The following TAOK3 variants were observed in gnomAD, a reference collection of about 807,000 sequenced individuals.
TAOK3 encodes the protein TAO kinase 3.
A neutral mutation model predicts 120.4 loss-of-function variants in TAOK3; 40 were observed. The ratio of observed to expected loss-of-function variants is 0.33; its 90% CI spans 0.26 to 0.43. The LOEUF is 0.43. TAOK3 is among the 20% of genes least tolerant of loss of function. The pLI is 1.00. For synonymous variants in TAOK3, 355 were observed against 387.5 expected (o/e 0.92, Z 0.99); for missense variants, 821 against 1,112.1 (o/e 0.74, Z 3.72).
chr12:118,350,860 CAA>C (rs200170595), intron 1 of TAOK3, among the ~76,000 whole-genome samples: 1,804 of 73,230 alleles, frequency 0.025, 40 homozygotes, highest in African/African-American at 0.073. Flanking sequence ...AACTCCGTCT[CAA>C]AAAAAAAAAA....
intron 1 of TAOK3, among the ~76,000 whole-genome samples, chr12:118,311,630 TTA>T (rs890595177): frequency 1.4e-4 from 21 of 149,912 alleles, no homozygotes; most frequent in Non-Finnish European, 2.5e-4. Context: ...TTTTTTTTTT[TTA>T]AAAACAGCAT....
intron 1 of TAOK3, among the ~76,000 whole-genome samples, chr12:118,318,937 T>C (rs1269434813): frequency 1.3e-5 from 2 of 152,070 alleles, no homozygotes; most frequent in Non-Finnish European, 2.9e-5. Flanking sequence ...TGGATGAACA[T>C]AGAGAACATT....
Position 118,238,210 on chromosome 12 carries a change from T to G in TAOK3, c.341-41A>C, listed in dbSNP as rs749656724. ...AAAAAAAGTCAGTAGATGATCAGTT[T>G]CATTCCTCATTTTATTATTTTATAC... On this transcript the variant is annotated intron_variant, in intron 6 of 20. Transcript: ENST00000392533. 4.1e-6 allele frequency: 5 copies of G among 1,222,858 alleles called. No homozygotes were observed. In the South Asian group the frequency reaches 6.1e-5, roughly 15 times the overall value. The allele number at this position is 1,222,858 out of a possible 1,614,324, so 75.8% of individuals were successfully genotyped here. A position where few individuals can be genotyped will look rare whatever the true frequency, so the allele number is the denominator to read the frequency against.
chr12:118,281,203 A>AT (rs1452018673), intron 1 of TAOK3, among the ~76,000 whole-genome samples: 1 of 152,078 alleles, frequency 6.6e-6, no homozygotes, highest in African/African-American at 2.4e-5. Flanking sequence ...CTTTTGCCTG[A>AT]CTTCCCTGGT....
intron 14 of TAOK3, among the ~76,000 whole-genome samples, chr12:118,184,402 T>C (rs2036949512): frequency 6.6e-6 from 1 of 152,200 alleles, no homozygotes; most frequent in African/African-American, 2.4e-5. Flanking sequence ...AAGTGTACAC[T>C]ATGAGTTTTA....
chr12:118,233,629 T>C (rs1020141767), intron 9 of TAOK3, 45 bp downstream of exon 9: 2 of 1,406,528 alleles, frequency 1.4e-6, no homozygotes, highest in Non-Finnish European at 2.0e-6. Context: ...ATCTGCAAAA[T>C]AGAATTTTAA....
intron 1 of TAOK3, among the ~76,000 whole-genome samples, chr12:118,312,951 G>A (rs1028110527): frequency 6.8e-6 from 1 of 146,158 alleles, no homozygotes; most frequent in African/African-American, 2.8e-5. Flanking sequence ...CTTATCTGCT[G>A]GTGAGGCTCT....
At chr12:118,367,541 T>C (rs2045771116) in intron 1 of TAOK3, among the ~76,000 whole-genome samples, 1 of 152,132 alleles carries the variant, frequency 6.6e-6, no homozygotes, top group South Asian at 2.1e-4. Flanking sequence ...TTTCTTTTAC[T>C]TAGCTGAGCC....
chr12:118,284,570 T>C (rs182797516), intron 1 of TAOK3, among the ~76,000 whole-genome samples: 2 of 152,336 alleles, frequency 1.3e-5, no homozygotes, highest in East Asian at 3.9e-4. Context: ...AGATAATGAC[T>C]GTTTTCTAGT....
chr12:118,199,352 C>T, intron 12 of TAOK3, 95 bp from the exon 13 acceptor site: 3 of 997,654 alleles, frequency 3.0e-6, no homozygotes, highest in Non-Finnish European at 4.6e-6. Context: ...TTTGCAGTGT[C>T]AAGTTGCTTT....
intron 19 of TAOK3, among the ~76,000 whole-genome samples, chr12:118,154,759 A>C (rs1161445034): frequency 6.6e-6 from 1 of 152,090 alleles, no homozygotes; most frequent in African/African-American, 2.4e-5. Context: ...AAGTTTTATA[A>C]GAGTATAGGT....
chr12:118,185,375 T>C (rs534868037), intron 14 of TAOK3, among the ~76,000 whole-genome samples: 5 of 152,138 alleles, frequency 3.3e-5, no homozygotes, highest in Non-Finnish European at 7.3e-5. Context: ...AACACTGCAC[T>C]AGAAGGGTAA....
In TAOK3 at chr12:118,230,609, C is replaced by T. The variant is rs527531057; in HGVS notation, c.643+3065G>A. ...TCAGCCTCCCGAGTAGCTGGGACTA[C>T]AGGCACCCACCACCACACCTGGCTA... is the stretch of plus-strand genomic sequence containing the variant. On this transcript the variant is annotated intron_variant, in intron 9 of 20. Transcript: ENST00000392533. 2.6e-5 allele frequency among the ~76,000 whole-genome samples: 4 copies of T among 151,850 alleles called. No individual in the cohort carries two copies. The East Asian group carries it at 5.8e-4, about 22-fold the overall frequency.
chr12:118,342,304 A>G (rs2044648637), intron 1 of TAOK3, among the ~76,000 whole-genome samples: 1 of 152,200 alleles, frequency 6.6e-6, no homozygotes, highest in Admixed American at 6.5e-5. Context: ...AGATACTACT[A>G]TGTAAGTATG....
chr12:118,210,744 T>G (rs1231008396), intron 11 of TAOK3, among the ~76,000 whole-genome samples: 1 of 150,042 alleles, frequency 6.7e-6, no homozygotes, highest in East Asian at 1.9e-4. Flanking sequence ...TTTTTTCTTT[T>G]TTTTTTTTTT....
chr12:118,222,430 G>A (rs979571034), intron 9 of TAOK3, among the ~76,000 whole-genome samples: 2 of 152,052 alleles, frequency 1.3e-5, no homozygotes, highest in African/African-American at 4.8e-5. Flanking sequence ...CTACTTGGGA[G>A]GCTGAGGCAG....
In TAOK3 at chr12:118,177,228, A is replaced by G. The variant is rs1309740952; in HGVS notation, c.1668T>C (p.Tyr556=). 2.5e-6 allele frequency: 4 copies of G among 1,613,862 alleles called. No homozygotes were observed. Residue 556 remains tyrosine, a synonymous_variant, in exon 16 of 21, where the codon TAT becomes TAC. Coordinates refer to ENST00000392533, the MANE Select transcript of TAOK3 (RefSeq NM_016281.4). ...CTTTTATTTTTTCCTTACAAATCTT[A>G]TACTGCTTCTTCTGACTTTCTAAGA... ...TTFLESQKKQ[Y]KICKEKIKEE... is the part of the protein sequence containing the mutation.
At chr12:118,335,184 C>CA (rs199691925) in intron 1 of TAOK3, among the ~76,000 whole-genome samples, 17,087 of 92,424 alleles carry the variant, frequency 0.18, 1,118 homozygotes, top group Middle Eastern at 0.29. Context: ...AACTATGTCT[C>CA]AAAAAAAAAA....
chr12:118,265,324 G>A (rs1437057891), intron 2 of TAOK3, among the ~76,000 whole-genome samples: 1 of 150,866 alleles, frequency 6.6e-6, no homozygotes, highest in Non-Finnish European at 1.5e-5. Flanking sequence ...AGGAGGTGGA[G>A]GTTGTAGTGA....
Sources: allele counts gnomAD v4.1 joint callset (sites outside exome capture counted in the v4.1 genomes callset), GRCh38; gene constraint gnomAD v4.1.1; transcripts MANE v1.5; gene names NCBI Gene and HGNC (gene_info 2026-07-23, HGNC 2026-07-21).